INPP4A: variants seen among roughly 807,000 people sequenced by gnomAD.
INPP4A encodes the protein inositol polyphosphate-4-phosphatase type I A.
INPP4A carries 33 observed loss-of-function variants against 119.8 expected under a neutral mutation model. That is an observed-to-expected ratio of 0.28 (90% CI 0.21 to 0.37). The LOEUF is 0.37. Ranked by LOEUF, INPP4A falls within the 10% of genes least tolerant of loss-of-function variation. The pLI, the probability that INPP4A is intolerant of heterozygous loss-of-function variation, is 1.00. For synonymous variants in INPP4A, 496 were observed against 500.7 expected (o/e 0.99, Z 0.12); for missense variants, 956 against 1,289.9 (o/e 0.74, Z 3.97).
chr2:98,464,076 A>AT (rs1175563659), intron 1 of INPP4A, among the ~76,000 whole-genome samples: 2 of 152,010 alleles, frequency 1.3e-5, no homozygotes, highest in African/African-American at 2.4e-5. Flanking sequence ...CTTTTTCTTC[A>AT]TTTTTTCTTT....
At chr2:98,543,103 G>A (rs979048125) in intron 10 of INPP4A, among the ~76,000 whole-genome samples, 5 of 152,066 alleles carry the variant, frequency 3.3e-5, no homozygotes, top group Non-Finnish European at 5.9e-5. Context: ...GTATTTTTTA[G>A]TAGAGACGGG....
chr2:98,498,150 T>C (rs960132812), intron 1 of INPP4A, among the ~76,000 whole-genome samples: 2 of 152,052 alleles, frequency 1.3e-5, no homozygotes, highest in Non-Finnish European at 2.9e-5. Flanking sequence ...TGGAATGATA[T>C]GGTTTGGCTC....
At chr2:98,529,496 G>C (rs1688796879) in intron 4 of INPP4A, among the ~76,000 whole-genome samples, 1 of 152,166 alleles carries the variant, frequency 6.6e-6, no homozygotes. Flanking sequence ...CAGCACTTTG[G>C]AGGCCGAGGC....
At chr2:98,476,016 A>G (rs542225612) in intron 1 of INPP4A, among the ~76,000 whole-genome samples, 3 of 152,236 alleles carry the variant, frequency 2.0e-5, no homozygotes, top group Non-Finnish European at 4.4e-5. Flanking sequence ...AATCAACTCC[A>G]AATAGCTTTG....
At chr2:98,513,588 C>T (rs929882463) in intron 1 of INPP4A, among the ~76,000 whole-genome samples, 1 of 152,238 alleles carries the variant, frequency 6.6e-6, no homozygotes, top group Non-Finnish European at 1.5e-5. Context: ...GTATGCAGCA[C>T]GTACCTTGGC....
At chr2:98,487,427 T>G (rs575335839) in intron 1 of INPP4A, among the ~76,000 whole-genome samples, 184 of 152,318 alleles carry the variant, frequency 1.2e-3, no homozygotes, top group African/African-American at 3.7e-3. Flanking sequence ...AGACAAGGTC[T>G]TGCTATGTTG....
chr2:98,567,612 T>C (rs1293417479), intron 21 of INPP4A, among the ~76,000 whole-genome samples: 1 of 152,028 alleles, frequency 6.6e-6, no homozygotes, highest in Admixed American at 6.5e-5. Context: ...GCCAGGTGCA[T>C]TGAATAGAGG....
At chr2:98,559,809 T>C (rs867599857) in intron 17 of INPP4A, among the ~76,000 whole-genome samples, 1 of 152,240 alleles carries the variant, frequency 6.6e-6, no homozygotes, top group Non-Finnish European at 1.5e-5. Flanking sequence ...CTGGACTTCC[T>C]GGGTGCAGTT....
intron 4 of INPP4A, among the ~76,000 whole-genome samples, chr2:98,522,629 C>T (rs998788890): frequency 6.6e-6 from 1 of 151,846 alleles, no homozygotes; most frequent in Middle Eastern, 3.4e-3. Flanking sequence ...AGGAAATCTC[C>T]GAGAACTGAA....
chr2:98,529,258 C>T (rs947897435), intron 4 of INPP4A, among the ~76,000 whole-genome samples: 5 of 151,944 alleles, frequency 3.3e-5, no homozygotes, highest in African/African-American at 1.2e-4. Context: ...AAAAAGCCAC[C>T]TATTGTATGA....
intron 4 of INPP4A, among the ~76,000 whole-genome samples, chr2:98,531,121 C>T (rs1186465752): frequency 6.6e-6 from 1 of 152,172 alleles, no homozygotes; most frequent in East Asian, 1.9e-4. Context: ...AAGGCCCCAC[C>T]CCTAATACCA....
chr2:98,463,093 C>T (rs554676243), intron 1 of INPP4A, among the ~76,000 whole-genome samples: 6 of 152,128 alleles, frequency 3.9e-5, no homozygotes, highest in Admixed American at 1.3e-4. Context: ...CTGCCCGCCT[C>T]GGCCTCCGAA....
chr2:98,520,983 A>G (rs530469065), intron 4 of INPP4A: 56 of 374,548 alleles, frequency 1.5e-4, no homozygotes, highest in African/African-American at 1.2e-3. Context: ...TATGCTCTCC[A>G]CAGGTGGCTG....
intron 1 of INPP4A, among the ~76,000 whole-genome samples, chr2:98,468,524 C>A (rs1675261824): frequency 6.6e-6 from 1 of 152,092 alleles, no homozygotes; most frequent in African/African-American, 2.4e-5. Flanking sequence ...CAGGTATGAG[C>A]CACCATGTAT....
chr2:98,519,999 C>A lies in INPP4A; in HGVS notation c.-50C>A. The A allele has an allele frequency of 6.9e-7, 1 of 1,458,610 alleles. No individual in the cohort carries two copies. The highest frequency in any genetic ancestry group is 9.4e-7 in the Non-Finnish European group (1 of 1,061,470). The allele number at this position is 1,458,610 out of a possible 1,614,324, so 90.4% of individuals were successfully genotyped here. A position where few individuals can be genotyped will look rare whatever the true frequency, so the allele number is the denominator to read the frequency against. ...TCGGTGCCAGCACTTCCCGGGTAAT[C>A]AGGCGTGGTCTGACCGAGGATCAAG... On this transcript the variant is annotated 5_prime_UTR_variant, in exon 3 of 25. Coordinates refer to ENST00000409851, the MANE Select transcript of INPP4A (RefSeq NM_001134225.2).
chr2:98,553,802 T>C (rs1693980747), intron 14 of INPP4A, among the ~76,000 whole-genome samples: 1 of 152,162 alleles, frequency 6.6e-6, no homozygotes, highest in Non-Finnish European at 1.5e-5. Context: ...AAACCAGACA[T>C]GTTGTGCCAG....
chr2:98,554,206 A>G lies in INPP4A; in HGVS notation c.1348-65A>G, dbSNP rs543715123. On this transcript the variant is annotated intron_variant, in intron 14 of 24. Transcript: ENST00000409851. The surrounding 1 kb of genome is among the most constrained non-coding windows in gnomAD (Gnocchi z 4.7). ...TTTAAGCCCATTCTCCATTTCTGAG[A>G]TAAGGCAGGGGCCTCCCCAGCCCCT... 5 of 1,276,798 alleles carry G rather than the reference A, an allele frequency of 3.9e-6. No individual in the cohort carries two copies. The Admixed American group carries it at 1.1e-4, about 28-fold the overall frequency. The allele number at this position is 1,276,798 out of a possible 1,614,324, so 79.1% of individuals were successfully genotyped here. A position where few individuals can be genotyped will look rare whatever the true frequency, so the allele number is the denominator to read the frequency against.
chr2:98,565,162 C>G (rs1696200826), intron 19 of INPP4A, among the ~76,000 whole-genome samples: 1 of 152,220 alleles, frequency 6.6e-6, no homozygotes, highest in Non-Finnish European at 1.5e-5. Flanking sequence ...TAAAAAGGCT[C>G]TCTTCTTCCT....
rs371986765 is a variant in INPP4A at position 98,546,544 on chromosome 2, G to A, written c.1055-42G>A. 73 of 1,450,512 alleles carry A rather than the reference G, an allele frequency of 5.0e-5. No individual in the cohort carries two copies. The highest frequency in any genetic ancestry group is 7.0e-5 in the Non-Finnish European group (72 of 1,034,024). 89.9% of individuals were successfully genotyped at this position (1,450,512 alleles called of 1,614,324 possible). A position where few individuals can be genotyped will look rare whatever the true frequency, so the allele number is the denominator to read the frequency against. On this transcript the variant is annotated intron_variant, in intron 12 of 24. Coordinates refer to ENST00000409851, the MANE Select transcript of INPP4A (RefSeq NM_001134225.2). This position sits in a 1 kb window ranked among gnomAD's most constrained non-coding sequence, Gnocchi z 4.2. ...ATCCCTATAGCTGGCTTGTCCACAGGCCTGAGCCCAGAGTAATGGAGGAGA... is the reference window on the plus strand; with the variant it reads ...ATCCCTATAGCTGGCTTGTCCACAGACCTGAGCCCAGAGTAATGGAGGAGA...
Sources: gnomAD v4.1 joint callset for allele counts (sites outside exome capture counted in the v4.1 genomes callset) on GRCh38, gnomAD v4.1.1 for gene constraint, Gnocchi (gnomAD v3.1) non-coding constraint, MANE v1.5 for transcripts, NCBI Gene and HGNC (gene_info 2026-07-23, HGNC 2026-07-21) for gene names.